ZMYM4: variants seen among roughly 807,000 people sequenced by gnomAD.
The protein encoded by ZMYM4 is zinc finger MYM-type protein 4.
Under a neutral mutation model 183.2 loss-of-function variants are expected in ZMYM4, and 31 were observed. That is an observed-to-expected ratio of 0.17 (90% CI 0.13 to 0.23). The LOEUF (loss-of-function observed/expected upper bound fraction) is 0.23. Among genes scored for constraint, ZMYM4 ranks in the 10% least tolerant of loss-of-function variants. ZMYM4 has a pLI of 1.00. For synonymous variants in ZMYM4, 592 were observed against 631.2 expected (o/e 0.94, Z 0.93); for missense variants, 1,273 against 1,840.3 (o/e 0.69, Z 5.64).
chr1:35,313,802 T>A (rs1363942354), intron 1 of ZMYM4, among the ~76,000 whole-genome samples: 1 of 152,154 alleles, frequency 6.6e-6, no homozygotes, highest in Non-Finnish European at 1.5e-5. Flanking sequence ...AAATTTATGT[T>A]AAAAATGTAT....
At chr1:35,269,401 C>T (rs893917134) in intron 1 of ZMYM4, among the ~76,000 whole-genome samples, 4 of 149,762 alleles carry the variant, frequency 2.7e-5, no homozygotes, top group African/African-American at 9.8e-5. Flanking sequence ...ATCTTTAGTG[C>T]ATCTTTAGTA....
At chr1:35,326,481 G>A (rs1423943281) in intron 2 of ZMYM4, among the ~76,000 whole-genome samples, 2 of 152,066 alleles carry the variant, frequency 1.3e-5, no homozygotes, top group Non-Finnish European at 2.9e-5. Context: ...TAAACATGAT[G>A]GGCTCACTGA....
intron 7 of ZMYM4, among the ~76,000 whole-genome samples, chr1:35,376,621 T>G (rs940400709): frequency 6.6e-6 from 1 of 152,182 alleles, no homozygotes; most frequent in Non-Finnish European, 1.5e-5. Flanking sequence ...CCTCCCAGGT[T>G]GAAGTGATTC....
intron 2 of ZMYM4, among the ~76,000 whole-genome samples, chr1:35,342,380 C>T (rs895239231): frequency 2.6e-5 from 4 of 151,956 alleles, no homozygotes; most frequent in Admixed American, 6.6e-5. Flanking sequence ...AGGCTGGTCT[C>T]GAACTCCTGG....
At position 35,405,127 on chromosome 1, in the gene ZMYM4, A is replaced by G. The variant is rs1644978995; in HGVS notation, c.3633A>G (p.Val1211=). The change falls in exon 24 of 30, where the codon GTA becomes GTG. Residue 1211 remains valine, a synonymous_variant. Coordinates refer to ENST00000314607, the MANE Select transcript of ZMYM4 (RefSeq NM_005095.3). ...SGMTLKYMYG[V]NAWKNWVQWK... is the part of the protein sequence containing the mutation. The stretch of plus-strand genomic sequence containing the variant: ...TGACACTGAAATACATGTATGGGGT[A>G]AATGCTTGGAAGAACTGGGTTCAGT... 1 of 1,614,144 alleles carries G rather than the reference A, an allele frequency of 6.2e-7. No homozygotes were observed. The highest frequency in any genetic ancestry group is 2.2e-5 in the East Asian group (1 of 44,882).
intron 1 of ZMYM4, among the ~76,000 whole-genome samples, chr1:35,323,154 A>G (rs1389347049): frequency 3.3e-5 from 5 of 151,564 alleles, no homozygotes; most frequent in Admixed American, 6.6e-5. Context: ...GGTGCCCGCC[A>G]CCACGCCCAG....
chr1:35,288,823 T>C (rs1640625078), intron 1 of ZMYM4, among the ~76,000 whole-genome samples: 1 of 152,208 alleles, frequency 6.6e-6, no homozygotes, highest in Admixed American at 6.6e-5. Flanking sequence ...AGACCTTATT[T>C]CATGACCTAT....
intron 7 of ZMYM4, 66 bp downstream of exon 7, chr1:35,370,693 GT>G: frequency 8.2e-7 from 1 of 1,226,228 alleles, no homozygotes; most frequent in Non-Finnish European, 1.1e-6. Context: ...TTGTTCTTAG[GT>G]CATGTATTAC....
intron 1 of ZMYM4, among the ~76,000 whole-genome samples, chr1:35,282,371 G>A (rs962878040): frequency 2.6e-5 from 4 of 152,188 alleles, no homozygotes; most frequent in African/African-American, 9.7e-5. Flanking sequence ...CAAAAGCTAA[G>A]CAGACACCAG....
At chr1:35,414,648 C>T (rs1480386585) in intron 27 of ZMYM4, among the ~76,000 whole-genome samples, 1 of 152,210 alleles carries the variant, frequency 6.6e-6, no homozygotes, top group African/African-American at 2.4e-5. Context: ...CAAATCTGGC[C>T]TGCTCCCTGT....
intron 1 of ZMYM4, chr1:35,309,034 A>G (rs1468251282): frequency 4.1e-6 from 4 of 985,442 alleles, no homozygotes; most frequent in East Asian, 2.3e-4. Context: ...TTAGAATGGT[A>G]TGTGAATTTG....
chr1:35,380,298 ATTATTTATTTATTTATT>A (rs1042494198), intron 7 of ZMYM4, among the ~76,000 whole-genome samples: 8 of 151,722 alleles, frequency 5.3e-5, no homozygotes, highest in Admixed American at 1.3e-4. Flanking sequence ...ATTGGTTTTT[ATTATTTATTTATTTATT>A]TTATTTATTT....
intron 28 of ZMYM4, 62 bp from the exon 29 acceptor site, chr1:35,418,381 C>A: frequency 6.4e-7 from 1 of 1,570,906 alleles, no homozygotes; most frequent in Non-Finnish European, 8.7e-7. Flanking sequence ...TCATTGGTGT[C>A]TTGAGACTCA....
In ZMYM4 at chr1:35,398,445, G is replaced by A. The variant is rs1011640121; in HGVS notation, c.3232G>A (p.Asp1078Asn). 3 of 1,611,274 alleles carry A rather than the reference G, an allele frequency of 1.9e-6. No homozygotes were observed. Among genetic ancestry groups the A allele is most frequent in the African/African-American group, 2.7e-5 (2 of 74,726 alleles). The change falls in exon 21 of 30, where the codon GAC (aspartate) becomes AAC (asparagine). Residue 1078 changes from aspartate to asparagine, a missense_variant. Around this residue, in one of 6 missense-constraint regions of ZMYM4, gnomAD observed 290 missense variants for 353.3 expected, o/e 0.82. Coordinates refer to ENST00000314607, the MANE Select transcript of ZMYM4 (RefSeq NM_005095.3). ...AACTTCTGAACACGAACTCTTTCTA[G>A]ACACCAAGATATTTGAAAAAGGTTT... Reference protein sequence around the residue: ...SQTSEHELFLDTKIFEKDQGS... With the variant: ...SQTSEHELFLNTKIFEKDQGS...
At chr1:35,398,543 G>A in intron 21 of ZMYM4, 77 bp downstream of exon 21, 1 of 1,292,688 alleles carries the variant, frequency 7.7e-7, no homozygotes, top group African/African-American at 1.5e-5. Context: ...TAGTACCCTT[G>A]GATTTCATAT....
At chr1:35,269,324 C>A (rs1236341930) in intron 1 of ZMYM4, among the ~76,000 whole-genome samples, 1 of 152,004 alleles carries the variant, frequency 6.6e-6, no homozygotes, top group East Asian at 1.9e-4. Flanking sequence ...TTCCTCCCCC[C>A]GACGTTCCCC....
chr1:35,359,202 A>G lies in ZMYM4; in HGVS notation c.363A>G (p.Glu121=). 6.2e-7 allele frequency: 1 copy of G among 1,612,680 alleles called. No individual in the cohort carries two copies. The highest frequency in any genetic ancestry group is 8.5e-7 in the Non-Finnish European group (1 of 1,179,376). Residue 121 remains glutamate, a synonymous_variant, in exon 3 of 30, where the codon GAA becomes GAG. Transcript: ENST00000314607. ...LEVERRVTQH[E]SDNENEIQIQ... ...TAGAGAGAAGAGTCACACAGCATGA[A>G]TCAGACAATGAAAATGAAATACAAA...
chr1:35,373,380 C>CTT (rs572118166), intron 7 of ZMYM4, among the ~76,000 whole-genome samples: 7,971 of 132,516 alleles, frequency 0.06, 746 homozygotes, highest in East Asian at 0.42. Context: ...TTTTTTTTTT[C>CTT]TTTTTTTTTT....
At position 35,268,776 on chromosome 1, in the gene ZMYM4, G is replaced by T. The variant is rs1639431999; in HGVS notation, c.-271G>T. On this transcript the variant is annotated 5_prime_UTR_variant, in exon 1 of 30. Coordinates refer to ENST00000314607, the MANE Select transcript of ZMYM4 (RefSeq NM_005095.3). ...TCTGAGAGAAAATAATCCTACTCACGGGGCCCCTTGGAGGCCATTAACCCC... is the reference window on the plus strand; with the variant it reads ...TCTGAGAGAAAATAATCCTACTCACTGGGCCCCTTGGAGGCCATTAACCCC... 6.6e-6 allele frequency among the ~76,000 whole-genome samples: 1 copy of T among 152,216 alleles called. No individual in the cohort carries two copies. The highest frequency in any genetic ancestry group is 1.9e-4 in the East Asian group (1 of 5,192).
Sources: gnomAD v4.1 joint callset for allele counts (sites outside exome capture counted in the v4.1 genomes callset) on GRCh38, gnomAD v4.1.1 for gene constraint, gnomAD v4.1.1 regional missense constraint, MANE v1.5 for transcripts, NCBI Gene and HGNC (gene_info 2026-07-23, HGNC 2026-07-21) for gene names.